The following MTUS2 variants were observed in gnomAD, a reference collection of about 807,000 sequenced individuals.
MTUS2 encodes the protein microtubule associated scaffold protein 2, also known as microtubule-associated tumor suppressor candidate 2.
A neutral mutation model predicts 114.1 loss-of-function variants in MTUS2; 40 were observed. The ratio of observed to expected loss-of-function variants is 0.35; its 90% CI spans 0.27 to 0.46. The LOEUF (loss-of-function observed/expected upper bound fraction) is 0.46, where lower values mean the gene tolerates loss of function less well. Ranked by LOEUF, MTUS2 falls within the 20% of genes least tolerant of loss-of-function variation. The probability of loss-of-function intolerance (pLI) is 1.00; values close to 1 mark genes in which losing one functional copy is unlikely to be tolerated. For missense variants in MTUS2, 1,679 were observed against 1,705.4 expected, an observed-to-expected ratio of 0.98 and a Z score of 0.27; for synonymous variants, 688 against 672.0, an observed-to-expected ratio of 1.02 and a Z score of -0.37.
chr13:29,180,571 A>T (rs1893956076), intron 5 of MTUS2, among the ~76,000 whole-genome samples: 1 of 152,244 alleles, frequency 6.6e-6, no homozygotes, highest in African/African-American at 2.4e-5. Context: ...CTATACCCTC[A>T]GATAAATCTA....
At chr13:29,469,836 T>A (rs1880145989) in intron 9 of MTUS2, among the ~76,000 whole-genome samples, 2 of 151,228 alleles carry the variant, frequency 1.3e-5, no homozygotes, top group South Asian at 2.1e-4. Context: ...TAAATAAAAT[T>A]TAGTTTTTTT....
Position 29,437,963 on chromosome 13 carries a change from A to AAG in MTUS2, c.3118-2020_3118-2019insAG, listed in dbSNP as rs1171153609. On this transcript the variant is annotated intron_variant, in intron 8 of 15. Coordinates refer to ENST00000612955, the MANE Select transcript of MTUS2 (RefSeq NM_001033602.4). ...ATCTTATCTCAAAAAAAAAAAAAAAAGTATAAGACTGATATGCAAATTCTA... is the reference window on the plus strand; with the variant it reads ...ATCTTATCTCAAAAAAAAAAAAAAAAAGGTATAAGACTGATATGCAAATTCTA... 3.8e-3 allele frequency among the ~76,000 whole-genome samples: 538 copies of AAG among 143,240 alleles called. 5 individuals are homozygous for AAG. Among genetic ancestry groups the AAG allele is most frequent in the African/African-American group, 0.013 (518 of 39,244 alleles). The allele number at this position is 143,240 out of a possible 152,430, so 94.0% of individuals were successfully genotyped here.
At chr13:29,204,303 C>A (rs575136012) in intron 5 of MTUS2, among the ~76,000 whole-genome samples, 1 of 152,172 alleles carries the variant, frequency 6.6e-6, no homozygotes, top group Non-Finnish European at 1.5e-5. Flanking sequence ...GCCACCCTAC[C>A]TTTTCTTTCT....
intron 15 of MTUS2, among the ~76,000 whole-genome samples, chr13:29,502,503 G>A (rs1882977111): frequency 6.6e-6 from 1 of 152,238 alleles, no homozygotes. Context: ...TCCAGCAGGG[G>A]AGGACACCTG....
chr13:29,203,149 G>A (rs1014602737), intron 5 of MTUS2, among the ~76,000 whole-genome samples: 2 of 152,314 alleles, frequency 1.3e-5, no homozygotes, highest in Middle Eastern at 6.8e-3. Flanking sequence ...TCAGGGAGAC[G>A]GGAATTCTAT....
chr13:29,327,920 A>G (rs1180041004), intron 7 of MTUS2, among the ~76,000 whole-genome samples: 1 of 152,122 alleles, frequency 6.6e-6, no homozygotes, highest in African/African-American at 2.4e-5. Flanking sequence ...TTTTTTATAG[A>G]CATTCTAATA....
intron 5 of MTUS2, among the ~76,000 whole-genome samples, chr13:29,114,288 G>A (rs1215964906): frequency 6.6e-6 from 1 of 152,072 alleles, no homozygotes; most frequent in Admixed American, 6.6e-5. Flanking sequence ...ATAGGAGTTG[G>A]GACTGGGGAT....
intron 6 of MTUS2, among the ~76,000 whole-genome samples, chr13:29,304,509 G>T (rs1039420052): frequency 6.6e-6 from 1 of 152,254 alleles, no homozygotes; most frequent in Non-Finnish European, 1.5e-5. Context: ...TGACAAAACA[G>T]ACTATAAACC....
intron 2 of MTUS2, among the ~76,000 whole-genome samples, chr13:28,907,858 G>C (rs540488444): frequency 6.6e-6 from 1 of 151,586 alleles, no homozygotes; most frequent in Admixed American, 6.6e-5. Flanking sequence ...ACAGAAAGTT[G>C]ACAGTTCTTT....
At chr13:29,226,474 C>T (rs1436436319) in intron 5 of MTUS2, among the ~76,000 whole-genome samples, 1 of 152,134 alleles carries the variant, frequency 6.6e-6, no homozygotes, top group Non-Finnish European at 1.5e-5. Context: ...CACCTTCCCT[C>T]AGTCAGAGGC....
intron 5 of MTUS2, among the ~76,000 whole-genome samples, chr13:29,180,541 G>A (rs1893954618): frequency 6.6e-6 from 1 of 152,188 alleles, no homozygotes; most frequent in Non-Finnish European, 1.5e-5. Context: ...GGACATTTAT[G>A]GGCATAGGTG....
intron 6 of MTUS2, among the ~76,000 whole-genome samples, chr13:29,301,390 C>A (rs1899198539): frequency 6.6e-6 from 1 of 152,192 alleles, no homozygotes; most frequent in African/African-American, 2.4e-5. Flanking sequence ...TGCCTACAAC[C>A]TGGGAAAAAC....
chr13:29,018,305 G>T (rs948532560), intron 2 of MTUS2, among the ~76,000 whole-genome samples: 12 of 152,180 alleles, frequency 7.9e-5, no homozygotes, highest in Non-Finnish European at 1.5e-4. Context: ...GCCACTCAGG[G>T]TGATATTCTT....
chr13:29,295,136 T>G (rs1898883836), intron 6 of MTUS2, among the ~76,000 whole-genome samples: 1 of 152,138 alleles, frequency 6.6e-6, no homozygotes, highest in Non-Finnish European at 1.5e-5. Context: ...TTTTTTTTAC[T>G]TTTATTATTT....
chr13:28,990,193 G>T (rs1224728056), intron 2 of MTUS2, among the ~76,000 whole-genome samples: 1 of 152,214 alleles, frequency 6.6e-6, no homozygotes, highest in Non-Finnish European at 1.5e-5. Context: ...GATGTTGGAG[G>T]CCTGGGACTT....
At chr13:28,935,613 G>C (rs1881862382) in intron 2 of MTUS2, among the ~76,000 whole-genome samples, 1 of 152,146 alleles carries the variant, frequency 6.6e-6, no homozygotes, top group Admixed American at 6.5e-5. Flanking sequence ...GGGATTATAT[G>C]CTGCTCCTGG....
intron 2 of MTUS2, among the ~76,000 whole-genome samples, chr13:28,843,436 G>T (rs1486862398): frequency 1.3e-5 from 2 of 152,212 alleles, no homozygotes; most frequent in Admixed American, 6.5e-5. Flanking sequence ...TTGAGGCAGG[G>T]TAAGGTTAAT....
chr13:29,328,088 T>C (rs1900603080), intron 7 of MTUS2, among the ~76,000 whole-genome samples: 1 of 152,230 alleles, frequency 6.6e-6, no homozygotes, highest in African/African-American at 2.4e-5. Flanking sequence ...TGGGTTGTTT[T>C]CTTATTGAAT....
At chr13:29,487,796 C>T in intron 10 of MTUS2, 104 bp from the exon 11 acceptor site, 2 of 879,630 alleles carry the variant, frequency 2.3e-6, no homozygotes, top group Non-Finnish European at 3.8e-6. Context: ...AAGGCTGTGA[C>T]TTGTCATTGA....
Sources: gnomAD v4.1 joint callset for allele counts (sites outside exome capture counted in the v4.1 genomes callset) on GRCh38, gnomAD v4.1.1 for gene constraint, MANE v1.5 for transcripts, NCBI Gene and HGNC (gene_info 2026-07-23, HGNC 2026-07-21) for gene names.